SCART1: variants seen among roughly 807,000 people sequenced by gnomAD.
SCART1 encodes scavenger receptor family member expressed on T cells 1, also known as scavenger receptor cysteine-rich domain-containing protein SCART1.
A neutral mutation model predicts 36.2 loss-of-function variants in SCART1; 62 were observed. The ratio of observed to expected loss-of-function variants is 1.71; its 90% confidence interval spans 1.40 to 2.12. The LOEUF is 2.12. SCART1 is among the 30% of genes most tolerant of loss of function. The pLI, the probability that SCART1 is intolerant of heterozygous loss-of-function variation, is 0.00. For missense variants in SCART1, 1,041 were observed against 540.5 expected, an observed-to-expected ratio of 1.93 and a Z score of -9.18; for synonymous variants, 487 against 238.7, an observed-to-expected ratio of 2.04 and a Z score of -9.59.
chr10:133,457,163 C>T, intron 2 of SCART1, 116 bp from the exon 3 acceptor site: 1 of 646,558 alleles, frequency 1.5e-6, no homozygotes, highest in Non-Finnish European at 2.8e-6. Context: ...CGGTCACCTG[C>T]CCCTGAAGCT....
At chr10:133,466,312 C>T in exon 10 of SCART1, 1 of 703,072 alleles carries the variant, frequency 1.4e-6, no homozygotes, top group Non-Finnish European at 2.6e-6. Context: ...GGGATCCCTT[C>T]TTGGTCTTCT....
exon 9 of SCART1, chr10:133,465,305 A>G: frequency 1.5e-6 from 1 of 684,230 alleles, no homozygotes; most frequent in Non-Finnish European, 2.7e-6. Context: ...GGGCGCGTGG[A>G]GCTCTGGCAC....
At chr10:133,455,295 C>A (rs139574040) in intron 1 of SCART1, among the ~76,000 whole-genome samples, 2 of 152,028 alleles carry the variant, frequency 1.3e-5, no homozygotes, top group East Asian at 3.9e-4. Context: ...GACACCAGCA[C>A]GCATCCATGT....
chr10:133,466,398 C>T lies in SCART1; in HGVS notation c.2806+17C>T. ...TGCAGAGGGGTAAGCGTGAGCCCAC[C>T]CTGATCCCATCAACTGGTGTGCAGG... On this transcript the variant is annotated intron_variant, in intron 10 of 11. Coordinates refer to ENST00000640237, the Ensembl canonical transcript of SCART1. 1 of 699,664 alleles carries T rather than the reference C, an allele frequency of 1.4e-6. No individual in the cohort carries two copies. Among genetic ancestry groups the T allele is most frequent in the Non-Finnish European group, 2.6e-6 (1 of 383,342 alleles). 43.3% of individuals were successfully genotyped at this position (699,664 alleles called of 1,614,324 possible). A position where few individuals can be genotyped will look rare whatever the true frequency, so the allele number is the denominator to read the frequency against.
intron 6 of SCART1, among the ~76,000 whole-genome samples, chr10:133,463,288 A>G (rs1379735556): frequency 6.6e-6 from 1 of 152,170 alleles, no homozygotes; most frequent in Non-Finnish European, 1.5e-5. Flanking sequence ...ACCATCTCAC[A>G]AAGTTACGTT....
chr10:133,454,380 C>T (rs1363880260), intron 1 of SCART1, among the ~76,000 whole-genome samples: 3 of 152,170 alleles, frequency 2.0e-5, no homozygotes, highest in Non-Finnish European at 4.4e-5. Flanking sequence ...CTGAGGGGTC[C>T]TGCGGGGGCT....
exon 7 of SCART1, chr10:133,464,757 G>T (rs1406400692): frequency 1.4e-6 from 1 of 697,918 alleles, no homozygotes; most frequent in Non-Finnish European, 2.6e-6. Flanking sequence ...GTGGGGTGTG[G>T]GGAGTGGGGC....
intron 2 of SCART1, 31 bp downstream of exon 2, chr10:133,456,585 TGAG>T (rs758508727): frequency 5.1e-4 from 311 of 610,816 alleles, no homozygotes; most frequent in South Asian, 1.1e-3. Context: ...GGGACGGGGC[TGAG>T]GAGGAGGAGG....
exon 6 of SCART1, chr10:133,459,503 G>A (rs1268143918): frequency 3.1e-6 from 2 of 655,246 alleles, no homozygotes; most frequent in Non-Finnish European, 5.5e-6. Context: ...CCCACGCCCT[G>A]CGACTGAGGG....
rs182573910 is a variant in SCART1 at position 133,457,162 on chromosome 10, G to A, written c.386-117G>A. 5.0e-4 allele frequency: 323 copies of A among 646,246 alleles called. 2 individuals are homozygous for A. The African/African-American group carries it at 5.5e-3, about 11-fold the overall frequency. 40.0% of individuals were successfully genotyped at this position (646,246 alleles called of 1,614,324 possible). On this transcript the variant is annotated intron_variant, in intron 2 of 11. Transcript: ENST00000640237. ...GCCCTGTGTGACTGCCCGGTCACCT[G>A]CCCCTGAAGCTGGCCCTGGCTCAGC...
At chr10:133,457,147 AC>A in intron 2 of SCART1, 131 bp from the exon 3 acceptor site, 1 of 634,468 alleles carries the variant, frequency 1.6e-6, no homozygotes, top group South Asian at 1.8e-5. Context: ...GCCCTGTGTG[AC>A]TGCCCGGTCA....
rs145548767 is a variant in SCART1 at position 133,465,538 on chromosome 10, G to A, written c.2632G>A (p.Glu878Lys). 4.6e-3 allele frequency: 2,423 copies of A among 530,996 alleles called. 11 individuals carry two copies. The highest frequency in any genetic ancestry group is 6.5e-3 in the Non-Finnish European group (1,981 of 305,640). 32.9% of individuals were successfully genotyped at this position (530,996 alleles called of 1,614,324 possible). Residue 878 changes from glutamate to lysine, a missense_variant, in exon 9 of 12, where the codon GAG becomes AAG. By Grantham distance (56) the Glu-to-Lys change is moderately conservative. Transcript: ENST00000640237. ...GTGGGGACGCGGAGACCGCGCGCAC[G>A]AGGAGGACGCGGGCGTGCGCTGCTG...
At chr10:133,459,603 G>C (rs1328997115) in exon 6 of SCART1, 1 of 673,702 alleles carries the variant, frequency 1.5e-6, no homozygotes, top group South Asian at 1.6e-5. Context: ...CCTGCGCGGC[G>C]CGGGCGTGGT....
intron 4 of SCART1, 98 bp from the exon 5 acceptor site, chr10:133,458,921 CTG>C: frequency 8.0e-6 from 5 of 622,760 alleles, no homozygotes; most frequent in Non-Finnish European, 1.4e-5. Flanking sequence ...AGGCTGGGCT[CTG>C]TGCCCATCCC....
At chr10:133,465,531 C>A (rs770762080) in exon 9 of SCART1, 34 of 525,458 alleles carry the variant, frequency 6.5e-5, no homozygotes, top group Non-Finnish European at 1.1e-4. Flanking sequence ...GCGGAGACCG[C>A]GCGCACGAGG....
At chr10:133,460,095 C>T (rs1368993117) in exon 6 of SCART1, 10 of 520,722 alleles carry the variant, frequency 1.9e-5, no homozygotes, top group Non-Finnish European at 6.7e-6. Flanking sequence ...CGAGTCTGCG[C>T]TGTGGCAGTG....
Position 133,456,684 on chromosome 10 carries a change from G to A in SCART1, c.385+130G>A, listed in dbSNP as rs1214370381. 5.1e-6 allele frequency: 3 copies of A among 588,100 alleles called. No individual in the cohort carries two copies. The African/African-American group carries it at 5.6e-5, about 11-fold the overall frequency. The allele number at this position is 588,100 out of a possible 1,614,324, so 36.4% of individuals were successfully genotyped here. A position where few individuals can be genotyped will look rare whatever the true frequency, so the allele number is the denominator to read the frequency against. The stretch of plus-strand genomic sequence containing the variant: ...CTCGGAGACGGGCGGGGAGGCTGTG[G>A]GTCTGGAGCTCTCTCTGGGAGGGGC... On this transcript the variant is annotated intron_variant, in intron 2 of 11. Coordinates refer to ENST00000640237, the Ensembl canonical transcript of SCART1.
Position 133,458,767 on chromosome 10 carries a change from T to G in SCART1, c.979+111T>G, listed in dbSNP as rs977166401. The G allele has an allele frequency of 3.1e-5, 21 of 673,264 alleles. No homozygotes were observed. In the African/African-American group the frequency reaches 3.4e-4, roughly 11 times the overall value. The allele number at this position is 673,264 out of a possible 1,614,324, so 41.7% of individuals were successfully genotyped here. A position where few individuals can be genotyped will look rare whatever the true frequency, so the allele number is the denominator to read the frequency against. On this transcript the variant is annotated intron_variant, in intron 4 of 11. Transcript: ENST00000640237. Reference sequence around the variant, plus strand: ...AGTAGGTGTGGGTGCTTTTGATGTTTGCTTCTGTTGGTTGAAAGAAGCGCA... The same window carrying G: ...AGTAGGTGTGGGTGCTTTTGATGTTGGCTTCTGTTGGTTGAAAGAAGCGCA...
chr10:133,456,606 G>A lies in SCART1; in HGVS notation c.385+52G>A, dbSNP rs988611159. 4.9e-6 allele frequency: 3 copies of A among 617,210 alleles called. No individual in the cohort carries two copies. The African/African-American group carries it at 5.5e-5, about 11-fold the overall frequency. The allele number at this position is 617,210 out of a possible 1,614,324, so 38.2% of individuals were successfully genotyped here. A position where few individuals can be genotyped will look rare whatever the true frequency, so the allele number is the denominator to read the frequency against. The stretch of plus-strand genomic sequence containing the variant: ...GGGCTGAGGAGGAGGAGGAGTGGGA[G>A]GACGAGGAGGAGGACTGGGAGGACG... On this transcript the variant is annotated intron_variant, in intron 2 of 11. Transcript: ENST00000640237.
Sources: gnomAD v4.1 joint callset for allele counts (sites outside exome capture counted in the v4.1 genomes callset) on GRCh38, gnomAD v4.1.1 for gene constraint, MANE v1.5 for transcripts, NCBI Gene and HGNC (gene_info 2026-07-23, HGNC 2026-07-21) for gene names.